Variants in NRXN1 observed in about 807,000 individuals in gnomAD.
NRXN1 encodes the protein neurexin-1.
In NRXN1, 39 loss-of-function variants were observed where a neutral mutation model predicts 150.9. That is an observed-to-expected ratio of 0.26 (90% CI 0.20 to 0.34). The LOEUF (loss-of-function observed/expected upper bound fraction) is 0.34. NRXN1 is among the 10% of genes least tolerant of loss of function. The probability of loss-of-function intolerance (pLI) is 1.00; values close to 1 mark genes in which losing one functional copy is unlikely to be tolerated. For synonymous variants in NRXN1, 924 were observed against 757.0 expected (o/e 1.22, Z -3.62); for missense variants, 1,815 against 1,949.9 (o/e 0.93, Z 1.30).
intron 5 of NRXN1, among the ~76,000 whole-genome samples, chr2:50,670,620 C>T (rs1042854505): frequency 6.6e-6 from 1 of 151,826 alleles, no homozygotes; most frequent in African/African-American, 2.4e-5. Flanking sequence ...CCAGTTTTTC[C>T]ATGAATCTTC....
intron 18 of NRXN1, among the ~76,000 whole-genome samples, chr2:50,093,922 G>A (rs1430248796): frequency 2.0e-5 from 3 of 152,192 alleles, no homozygotes; most frequent in African/African-American, 7.2e-5. Context: ...ACACCAGGCT[G>A]AGTTTAGGAC....
At chr2:50,479,893 C>T (rs757256327) in intron 15 of NRXN1, among the ~76,000 whole-genome samples, 1 of 150,184 alleles carries the variant, frequency 6.7e-6, no homozygotes, top group Non-Finnish European at 1.5e-5. Context: ...CCTGCCTCAG[C>T]CTCCAGAGTA....
intron 21 of NRXN1, among the ~76,000 whole-genome samples, chr2:50,014,787 T>A (rs935735655): frequency 5.3e-5 from 8 of 152,146 alleles, no homozygotes; most frequent in African/African-American, 1.9e-4. Flanking sequence ...TAACCACTAT[T>A]GTCTATTACA....
Position 50,630,340 on chromosome 2 carries a change from C to T in NRXN1, c.833-6725G>A, listed in dbSNP as rs1018601559. ...CCAAGAATCACTGATTTCTACTTTA[C>T]GGGAAAAAAAATGTTAAACAAAGAT... On this transcript the variant is annotated intron_variant, in intron 5 of 22. Transcript: ENST00000401669. 4.0e-5 allele frequency among the ~76,000 whole-genome samples: 6 copies of T among 151,382 alleles called. No homozygotes were observed. In the South Asian group the frequency reaches 6.2e-4, roughly 16 times the overall value.
At chr2:50,303,947 T>G (rs189258857) in intron 17 of NRXN1, among the ~76,000 whole-genome samples, 2 of 152,228 alleles carry the variant, frequency 1.3e-5, no homozygotes, top group Admixed American at 1.3e-4. Context: ...TCACTAAGAA[T>G]TATAATCTAG....
chr2:50,438,072 C>T (rs2085603570), intron 17 of NRXN1, among the ~76,000 whole-genome samples: 1 of 152,170 alleles, frequency 6.6e-6, no homozygotes, highest in South Asian at 2.1e-4. Flanking sequence ...TGTTCTTCCA[C>T]CTGGGGCTCT....
At chr2:51,005,993 T>TA (rs1027966994) in intron 2 of NRXN1, among the ~76,000 whole-genome samples, 20 of 151,498 alleles carry the variant, frequency 1.3e-4, no homozygotes, top group Admixed American at 2.0e-4. Context: ...CAGTCATACT[T>TA]ACATCAGACA....
chr2:50,486,394 C>T (rs1321142251), intron 15 of NRXN1, among the ~76,000 whole-genome samples: 1 of 152,162 alleles, frequency 6.6e-6, no homozygotes, highest in Non-Finnish European at 1.5e-5. Context: ...TATTGATGTG[C>T]ATGATTCACA....
intron 9 of NRXN1, among the ~76,000 whole-genome samples, chr2:50,543,848 C>A (rs1318685079): frequency 6.6e-6 from 1 of 152,062 alleles, no homozygotes; most frequent in East Asian, 1.9e-4. Context: ...AATTACTTCA[C>A]AAGTTTAAAT....
intron 5 of NRXN1, among the ~76,000 whole-genome samples, chr2:50,748,012 C>A (rs1358906368): frequency 2.0e-5 from 3 of 152,190 alleles, no homozygotes; most frequent in African/African-American, 7.2e-5. Context: ...CTGCACCTAG[C>A]ATGCACCAGA....
intron 5 of NRXN1, among the ~76,000 whole-genome samples, chr2:50,822,815 A>G (rs563745706): frequency 6.6e-6 from 1 of 152,294 alleles, no homozygotes; most frequent in East Asian, 1.9e-4. Flanking sequence ...GGGTCTGTCA[A>G]TCCAGCTTAA....
At chr2:51,006,095 C>T (rs531069636) in intron 2 of NRXN1, among the ~76,000 whole-genome samples, 5 of 151,850 alleles carry the variant, frequency 3.3e-5, no homozygotes, top group Admixed American at 2.6e-4. Flanking sequence ...ATCTTCAAAA[C>T]GTGTATAAAT....
At chr2:50,052,337 A>G (rs1363051) in intron 21 of NRXN1, among the ~76,000 whole-genome samples, 31,682 of 152,112 alleles carry the variant, frequency 0.21, 3,949 homozygotes, top group Non-Finnish European at 0.28. Flanking sequence ...GAACAAAACG[A>G]AACAATTAAT....
At chr2:50,722,326 A>G (rs1696770948) in intron 5 of NRXN1, among the ~76,000 whole-genome samples, 1 of 152,182 alleles carries the variant, frequency 6.6e-6, no homozygotes, top group Non-Finnish European at 1.5e-5. Context: ...ATATATCAGC[A>G]CTATGAGCAG....
In NRXN1 at chr2:51,027,606, CCCT is replaced by C. The variant is rs759552347; in HGVS notation, c.665_667del (p.Glu222del). On this transcript the variant is annotated inframe_deletion, in exon 2 of 23. Transcript: ENST00000401669. ...TCCGTTGAGGCACACCCCGCCCTCG[CCCT>C]CCTCGCCCGCCTCGCACGGGCTTCC... 8 of 1,594,168 alleles carry C rather than the reference CCCT, an allele frequency of 5.0e-6. No homozygotes were observed.
intron 2 of NRXN1, among the ~76,000 whole-genome samples, chr2:50,957,103 C>A (rs1692403414): frequency 6.6e-6 from 1 of 152,090 alleles, no homozygotes; most frequent in Non-Finnish European, 1.5e-5. Flanking sequence ...ACTACCAAGG[C>A]TTCTTTGTAC....
At chr2:50,753,966 G>GC (rs1403269858) in intron 5 of NRXN1, among the ~76,000 whole-genome samples, 2 of 137,500 alleles carry the variant, frequency 1.5e-5, no homozygotes, top group East Asian at 2.3e-4. Flanking sequence ...TTTTTTTTTG[G>GC]GGGGGGGCGG....
At chr2:50,079,013 A>T (rs1358540569) in intron 19 of NRXN1, among the ~76,000 whole-genome samples, 2 of 152,078 alleles carry the variant, frequency 1.3e-5, no homozygotes, top group African/African-American at 4.8e-5. Flanking sequence ...TATTTCCATC[A>T]TCCTTCTACA....
intron 15 of NRXN1, among the ~76,000 whole-genome samples, chr2:50,495,574 T>G (rs1276330091): frequency 2.0e-5 from 3 of 152,118 alleles, no homozygotes; most frequent in Non-Finnish European, 1.5e-5. Flanking sequence ...GTTCCCTGAC[T>G]CCAAATCAAT....
Sources: gnomAD v4.1 joint callset for allele counts (sites outside exome capture counted in the v4.1 genomes callset) on GRCh38, gnomAD v4.1.1 for gene constraint, MANE v1.5 for transcripts, NCBI Gene and HGNC (gene_info 2026-07-23, HGNC 2026-07-21) for gene names.